The following EML6 variants were observed in gnomAD, a reference collection of about 807,000 sequenced individuals.
EML6 encodes the protein EMAP like 6, also known as echinoderm microtubule-associated protein-like 6.
Under a neutral mutation model 240.1 loss-of-function variants are expected in EML6, and 154 were observed. That is an observed-to-expected ratio of 0.64 (90% CI 0.56 to 0.73). The LOEUF is 0.73. EML6 is among the 30% of genes least tolerant of loss of function. The pLI, the probability that EML6 is intolerant of heterozygous loss-of-function variation, is 0.00. For missense variants in EML6, 2,964 were observed against 2,474.6 expected (o/e 1.20, Z -4.20); for synonymous variants, 1,148 against 899.0 (o/e 1.28, Z -4.95).
At chr2:54,880,952 G>C (rs1378885149) in intron 17 of EML6, 1 of 152,076 alleles carries the variant, frequency 6.6e-6, no homozygotes, top group African/African-American at 2.4e-5. Context: ...ATGGAAGAAA[G>C]AAATATTTCT....
intron 2 of EML6, among the ~76,000 whole-genome samples, chr2:54,767,486 C>G (rs192192468): frequency 2.0e-5 from 3 of 152,122 alleles, no homozygotes; most frequent in African/African-American, 7.2e-5. Flanking sequence ...TATTTCACCT[C>G]AAATATCTAT....
At chr2:54,907,693 G>A (rs1033255344) in intron 24 of EML6, among the ~76,000 whole-genome samples, 10 of 152,146 alleles carry the variant, frequency 6.6e-5, no homozygotes, top group Non-Finnish European at 1.3e-4. Flanking sequence ...TATGGTACCC[G>A]CAAGATGTGT....
chr2:54,756,121 G>C (rs531588654), intron 2 of EML6, among the ~76,000 whole-genome samples: 1 of 152,070 alleles, frequency 6.6e-6, no homozygotes, highest in Non-Finnish European at 1.5e-5. Context: ...TGCCGTGAGC[G>C]ATAGGTGGCA....
rs532813211 is a variant in EML6 at position 54,958,233 on chromosome 2, C to A, written c.4695+235C>A. Among the ~76,000 whole-genome samples the A allele has an allele frequency of 3.2e-4, 48 of 152,286 alleles. 1 individual carries two copies. Among genetic ancestry groups the A allele is most frequent in the Middle Eastern group, 3.4e-3 (1 of 294 alleles). Reference sequence around the variant, plus strand: ...CTGAGACAGAGTCTTGCTCTGTCACCTAGGCTGGAGTGCAGTGGCGCAATC... The same window carrying A: ...CTGAGACAGAGTCTTGCTCTGTCACATAGGCTGGAGTGCAGTGGCGCAATC... On this transcript the variant is annotated intron_variant, in intron 33 of 41. Transcript: ENST00000356458.
At chr2:54,795,178 T>C (rs951417315) in intron 2 of EML6, among the ~76,000 whole-genome samples, 1 of 152,194 alleles carries the variant, frequency 6.6e-6, no homozygotes, top group Non-Finnish European at 1.5e-5. Flanking sequence ...GACTGGGTAA[T>C]TTTTAAAGAA....
intron 28 of EML6, among the ~76,000 whole-genome samples, chr2:54,941,105 C>T (rs1268991319): frequency 6.6e-6 from 1 of 152,114 alleles, no homozygotes; most frequent in Non-Finnish European, 1.5e-5. Flanking sequence ...GAGAAGTTGC[C>T]CCCAGTTTGT....
At chr2:54,740,710 C>T (rs575909530) in intron 2 of EML6, among the ~76,000 whole-genome samples, 88 of 147,982 alleles carry the variant, frequency 5.9e-4, no homozygotes, top group Middle Eastern at 3.5e-3. Flanking sequence ...GACTCTAGCT[C>T]TTTTTTTTTT....
intron 24 of EML6, among the ~76,000 whole-genome samples, chr2:54,907,936 A>AT (rs1239627915): frequency 3.3e-4 from 14 of 42,560 alleles, no homozygotes; most frequent in Non-Finnish European, 6.3e-4. Flanking sequence ...AGATAGATAG[A>AT]TAGATAGATA....
chr2:54,797,031 G>C (rs1415125024), intron 2 of EML6, among the ~76,000 whole-genome samples: 1 of 151,764 alleles, frequency 6.6e-6, no homozygotes, highest in Non-Finnish European at 1.5e-5. Context: ...GGGGCCTAGT[G>C]GTAGGTACCT....
chr2:54,847,677 C>A (rs1341465700), intron 9 of EML6, 54 bp downstream of exon 9: 9 of 1,537,448 alleles, frequency 5.9e-6, no homozygotes, highest in East Asian at 4.9e-5. Context: ...TTAAATGTTA[C>A]AATTTTCCTG....
intron 26 of EML6, among the ~76,000 whole-genome samples, chr2:54,927,422 C>T (rs771977739): frequency 1.1e-4 from 16 of 152,226 alleles, no homozygotes; most frequent in Non-Finnish European, 2.4e-4. Flanking sequence ...ACTGGTGACT[C>T]TGTCACAACC....
chr2:54,877,799 T>C (rs970993591), intron 16 of EML6, among the ~76,000 whole-genome samples: 20 of 152,250 alleles, frequency 1.3e-4, no homozygotes, highest in Non-Finnish European at 4.4e-5. Flanking sequence ...AAGGGTCAGG[T>C]AACTTTCAAA....
rs60802631 is a variant in EML6, at chr2:54,962,440, T to C, written c.4969-83T>C. The C allele has an allele frequency of 6.7e-3, 7,172 of 1,072,188 alleles. 282 individuals are homozygous for C. The African/African-American group carries it at 0.091, about 14-fold the overall frequency. 66.4% of individuals were successfully genotyped at this position (1,072,188 alleles called of 1,614,324 possible). ...GTCATCATTCTACTTTCTGTCTCCATGAATTTGTCTACTCTAGATACCTCA... is the reference window on the plus strand; with the variant it reads ...GTCATCATTCTACTTTCTGTCTCCACGAATTTGTCTACTCTAGATACCTCA... On this transcript the variant is annotated intron_variant, in intron 35 of 41. Transcript: ENST00000356458.
intron 28 of EML6, among the ~76,000 whole-genome samples, chr2:54,938,420 A>T (rs1320754779): frequency 5.3e-5 from 8 of 152,226 alleles, no homozygotes; most frequent in Admixed American, 5.2e-4. Flanking sequence ...GGGCTTCCCA[A>T]GTCCCTCTCA....
At chr2:54,846,484 A>AT (rs34903209) in intron 8 of EML6, among the ~76,000 whole-genome samples, 84 of 142,104 alleles carry the variant, frequency 5.9e-4, no homozygotes, top group Middle Eastern at 3.6e-3. Context: ...TTGATACATA[A>AT]TTTTTTTTTT....
chr2:54,946,285 C>G (rs898460829), intron 28 of EML6, among the ~76,000 whole-genome samples: 1 of 152,184 alleles, frequency 6.6e-6, no homozygotes, highest in Non-Finnish European at 1.5e-5. Flanking sequence ...GTCTCTCACC[C>G]CCTCACCTTC....
chr2:54,804,507 G>C (rs1572925223), intron 2 of EML6, among the ~76,000 whole-genome samples: 1 of 152,168 alleles, frequency 6.6e-6, no homozygotes, highest in African/African-American at 2.4e-5. Context: ...AATTATACTG[G>C]TGAGAACCTC....
rs540261632 is a variant in EML6 at position 54,971,898 on chromosome 2, A to G, written c.*1803A>G. ...ATATGGTATGATTTTGATTTTATGTATGTTCATAAATCCTGCACTGTATGA... is the reference window on the plus strand; with the variant it reads ...ATATGGTATGATTTTGATTTTATGTGTGTTCATAAATCCTGCACTGTATGA... On this transcript the variant is annotated 3_prime_UTR_variant, in exon 42 of 42. Transcript: ENST00000356458. 2 of 152,368 alleles carry G rather than the reference A, an allele frequency of 1.3e-5. No homozygotes were observed. The highest frequency in any genetic ancestry group is 2.4e-5 in the African/African-American group (1 of 41,588). The allele number at this position is 152,368 out of a possible 1,614,324, so 9.4% of individuals were successfully genotyped here. A position where few individuals can be genotyped will look rare whatever the true frequency, so the allele number is the denominator to read the frequency against.
intron 2 of EML6, among the ~76,000 whole-genome samples, chr2:54,812,517 A>G (rs1300182806): frequency 5.4e-5 from 4 of 74,384 alleles, no homozygotes; most frequent in African/African-American, 2.0e-4. Context: ...AATTTAAAAC[A>G]TTAGGGTGAT....
Sources: gnomAD v4.1 joint callset for allele counts (sites outside exome capture counted in the v4.1 genomes callset) on GRCh38, gnomAD v4.1.1 for gene constraint, MANE v1.5 for transcripts, NCBI Gene and HGNC (gene_info 2026-07-23, HGNC 2026-07-21) for gene names.